Variants in COL9A3 observed in about 807,000 individuals in gnomAD.
COL9A3 encodes the protein collagen type IX alpha 3 chain.
A neutral mutation model predicts 110.2 loss-of-function variants in COL9A3; 82 were observed. The observed-to-expected ratio is 0.74, with a 90% CI of 0.62 to 0.89. COL9A3 has a LOEUF of 0.89. Among genes scored for constraint, COL9A3 ranks in the 40% least tolerant of loss-of-function variants. The pLI is 0.00. For synonymous variants in COL9A3, 494 were observed against 403.8 expected (o/e 1.22, Z -2.68); for missense variants, 1,066 against 981.3 (o/e 1.09, Z -1.15).
chr20:62,822,248 CT>C, intron 9 of COL9A3, 84 bp downstream of exon 9: 1 of 820,120 alleles, frequency 1.2e-6, no homozygotes, highest in African/African-American at 1.7e-5. Flanking sequence ...CCTCCCCAGG[CT>C]CCATGCCCCT....
intron 9 of COL9A3, among the ~76,000 whole-genome samples, 183 bp from the exon 10 acceptor site, chr20:62,822,408 C>T (rs917875599): frequency 1.3e-5 from 2 of 152,014 alleles, no homozygotes; most frequent in Non-Finnish European, 2.9e-5. Context: ...CTGTCGTTGT[C>T]ACATGCCCTG....
At chr20:62,840,119 G>A (rs1246968265) in intron 31 of COL9A3, among the ~76,000 whole-genome samples, 2 of 152,012 alleles carry the variant, frequency 1.3e-5, no homozygotes, top group Admixed American at 1.3e-4. Flanking sequence ...GAAGGGCTCT[G>A]ACACCCCCCA....
rs775960810 is a variant in COL9A3 at position 62,817,106 on chromosome 20, C to G, written c.42C>G (p.Leu14=). ...PRACAPLLLL[L]LLGELLAAAG... ...CGTGCGCCCCGCTCCTGCTCCTGCT[C>G]CTGCTCGGGGAGCTTCTGGCGGCCG... Residue 14 remains leucine, a synonymous_variant, in exon 1 of 32, where the codon CTC becomes CTG. Transcript: ENST00000649368. 3.6e-6 allele frequency: 5 copies of G among 1,406,420 alleles called. No homozygotes were observed. The highest frequency in any genetic ancestry group is 4.6e-6 in the Non-Finnish European group (5 of 1,075,342). 87.1% of individuals were successfully genotyped at this position (1,406,420 alleles called of 1,614,324 possible).
Position 62,837,203 on chromosome 20 carries a change from G to A in COL9A3, c.1724G>A (p.Gly575Asp), listed in dbSNP as rs764514247. ...PGPPGSIGHP[G>D]ARGPPGYRGP... is the part of the protein sequence containing the mutation. ...CCCCCAGGCTCCATTGGTCACCCTG[G>A]CGCTCGAGGACCCCCTGGATACCGC... Residue 575 changes from glycine (G) to aspartate (D), a missense_variant, in exon 30 of 32, where the codon GGC (glycine) becomes GAC (aspartate). Coordinates refer to ENST00000649368, the MANE Select transcript of COL9A3 (RefSeq NM_001853.4). 3.7e-6 allele frequency: 6 copies of A among 1,612,312 alleles called. No individual in the cohort carries two copies. Among genetic ancestry groups the A allele is most frequent in the Non-Finnish European group, 5.1e-6 (6 of 1,179,730 alleles).
intron 25 of COL9A3, among the ~76,000 whole-genome samples, chr20:62,832,546 C>CCGGAGAACTGACAGAGGGCAGGGG (rs1301032066): frequency 6.6e-6 from 1 of 152,270 alleles, no homozygotes; most frequent in African/African-American, 2.4e-5. Context: ...TGCCATCCTT[C>CCGGAGAACTGACAGAGGGCAGGGG]CGGAGAACTG....
intron 31 of COL9A3, among the ~76,000 whole-genome samples, chr20:62,840,218 C>T (rs2063665588): frequency 6.6e-6 from 1 of 151,644 alleles, no homozygotes; most frequent in African/African-American, 2.4e-5. Context: ...CAACCCCCCA[C>T]TCCGGGCCCC....
chr20:62,832,776 T>A, intron 25 of COL9A3: 1 of 513,530 alleles, frequency 1.9e-6, no homozygotes, highest in Non-Finnish European at 3.6e-6. Context: ...CCGCAGGTTC[T>A]GCTTGGCAGA....
intron 25 of COL9A3, chr20:62,832,765 A>C (rs2147221526): frequency 2.5e-6 from 1 of 407,812 alleles, no homozygotes; most frequent in Non-Finnish European, 4.6e-6. Context: ...TCGAACCCCC[A>C]CCGCAGGTTC....
intron 25 of COL9A3, 141 bp downstream of exon 25, chr20:62,832,330 C>T (rs1454944099): frequency 8.4e-6 from 5 of 596,576 alleles, no homozygotes; most frequent in South Asian, 3.6e-5. Flanking sequence ...GTCTGTCAGT[C>T]GCCCTTTCTG....
chr20:62,833,412 T>C (rs955570133), intron 26 of COL9A3, among the ~76,000 whole-genome samples: 1 of 152,206 alleles, frequency 6.6e-6, no homozygotes, highest in African/African-American at 2.4e-5. Flanking sequence ...GGGTTTCTTG[T>C]TTTTTGTTTT....
rs938377874 is a variant in COL9A3, at chr20:62,824,961, C to T, written c.577-7C>T. On this transcript the variant is annotated splice_polypyrimidine_tract_variant and splice_region_variant and intron_variant, in intron 11 of 31. Transcript: ENST00000649368. Reference sequence around the variant, plus strand: ...GGGTGGGGCAGTGACCCCACATTTGCTTGCAGGGACCCACTGGCTACAAAG... The same window carrying T: ...GGGTGGGGCAGTGACCCCACATTTGTTTGCAGGGACCCACTGGCTACAAAG... 4 of 1,609,052 alleles carry T rather than the reference C, an allele frequency of 2.5e-6. No homozygotes were observed. Among genetic ancestry groups the T allele is most frequent in the East Asian group, 2.2e-5 (1 of 44,632 alleles).
intron 13 of COL9A3, 61 bp downstream of exon 13, chr20:62,825,931 C>A: frequency 6.6e-7 from 1 of 1,510,814 alleles, no homozygotes; most frequent in Non-Finnish European, 9.0e-7. Context: ...GTGATCAAGC[C>A]CTGCACATAT....
At chr20:62,834,763 C>T (rs986194369) in intron 26 of COL9A3, among the ~76,000 whole-genome samples, 5 of 152,186 alleles carry the variant, frequency 3.3e-5, no homozygotes, top group African/African-American at 4.8e-5. Context: ...CTGCCTCAGC[C>T]TCCCGAGTAG....
chr20:62,825,792 G>C (rs1010527210), intron 12 of COL9A3, 25 bp from the exon 13 acceptor site: 8 of 1,551,224 alleles, frequency 5.2e-6, no homozygotes, highest in Middle Eastern at 1.7e-4. Flanking sequence ...CTGGGCCGCT[G>C]ACCACCCTAT....
At chr20:62,826,179 C>G (rs1050349444) in intron 13 of COL9A3, 25 bp from the exon 14 acceptor site, 1 of 1,553,448 alleles carries the variant, frequency 6.4e-7, no homozygotes, top group Non-Finnish European at 8.7e-7. Flanking sequence ...GCCCCAGCCT[C>G]TGCATCTGTG....
At chr20:62,826,004 C>T (rs561913796) in intron 13 of COL9A3, 134 bp downstream of exon 13, 47 of 1,161,880 alleles carry the variant, frequency 4.0e-5, no homozygotes, top group East Asian at 3.6e-4. Context: ...CACAGGAGCG[C>T]GACCTGGCTG....
intron 12 of COL9A3, chr20:62,825,583 AG>A: frequency 1.6e-6 from 1 of 606,486 alleles, no homozygotes; most frequent in Admixed American, 2.8e-5. Flanking sequence ...ACAGGGCTGA[AG>A]GGCCTTGTGG....
intron 5 of COL9A3, 50 bp downstream of exon 5, chr20:62,820,032 C>G: frequency 3.2e-6 from 5 of 1,578,776 alleles, no homozygotes; most frequent in Non-Finnish European, 3.5e-6. Context: ...GTGAGGTCCC[C>G]TGGCCACCTC....
chr20:62,827,847 G>A (rs951617657), intron 16 of COL9A3, 76 bp from the exon 17 acceptor site: 75 of 1,501,338 alleles, frequency 5.0e-5, no homozygotes, highest in Non-Finnish European at 6.0e-5. Flanking sequence ...TGGTGTCCCC[G>A]AGCAGCTGGC....
Sources: allele counts gnomAD v4.1 joint callset (sites outside exome capture counted in the v4.1 genomes callset), GRCh38; gene constraint gnomAD v4.1.1; transcripts MANE v1.5; gene names NCBI Gene and HGNC (gene_info 2026-07-23, HGNC 2026-07-21).